The following CD8B variants were observed in gnomAD, a reference collection of about 807,000 sequenced individuals.
CD8B encodes CD8 subunit beta.
Under a neutral mutation model 24.2 loss-of-function variants are expected in CD8B, and 6 were observed. That is an observed-to-expected ratio of 0.25 (90% CI 0.14 to 0.49). The LOEUF is 0.49. Ranked by LOEUF, CD8B falls within the 20% of genes least tolerant of loss-of-function variation. CD8B has a pLI of 0.98. For missense variants in CD8B, 196 were observed against 271.3 expected (o/e 0.72, Z 1.95); for synonymous variants, 84 against 108.3 (o/e 0.78, Z 1.39).
At chr2:86,855,683 C>A (rs1676201814) in intron 2 of CD8B, among the ~76,000 whole-genome samples, 2 of 152,218 alleles carry the variant, frequency 1.3e-5, no homozygotes, top group South Asian at 4.1e-4. Context: ...GTGCAACGAG[C>A]CTGGCCCTCT....
At chr2:86,832,951 TC>T in intron 5 of CD8B, 1 of 95,846 alleles carries the variant, frequency 1.0e-5, no homozygotes, top group Non-Finnish European at 2.4e-5. Context: ...TCCCCTCTCC[TC>T]CCCTCCCCTC....
intron 5 of CD8B, among the ~76,000 whole-genome samples, chr2:86,827,133 T>C (rs1424305351): frequency 6.6e-6 from 1 of 152,136 alleles, no homozygotes; most frequent in Non-Finnish European, 1.5e-5. Flanking sequence ...CTGTGGATTT[T>C]GTGGCAGCAA....
At chr2:86,836,734 C>T (rs1164602136), downstream of CD8B, among the ~76,000 whole-genome samples, 1 of 152,178 alleles carries the variant, frequency 6.6e-6, no homozygotes, top group Non-Finnish European at 1.5e-5. Flanking sequence ...CCACTGCACA[C>T]TAGCCTGGGC....
chr2:86,854,856 C>A (rs1162692183), intron 2 of CD8B, among the ~76,000 whole-genome samples: 2 of 151,896 alleles, frequency 1.3e-5, no homozygotes, highest in African/African-American at 4.8e-5. Context: ...CGCGGTGACT[C>A]ACGCCTGTAA....
At chr2:86,834,190 A>G (rs1675074264), downstream of CD8B, among the ~76,000 whole-genome samples, 1 of 152,030 alleles carries the variant, frequency 6.6e-6, no homozygotes, top group African/African-American at 2.4e-5. Context: ...ATTAAACACT[A>G]CTAGATGGTG....
intron 5 of CD8B, chr2:86,843,701 C>T: frequency 1.0e-6 from 1 of 985,308 alleles, no homozygotes; most frequent in African/African-American, 1.7e-5. Context: ...ACTGAAGTGA[C>T]TTGAGCTTGT....
In CD8B at chr2:86,853,113, C is replaced by A. The variant is rs1324326331; in HGVS notation, c.404-27G>T. 3.9e-6 allele frequency: 6 copies of A among 1,546,642 alleles called. No individual in the cohort carries two copies. In the South Asian group the frequency reaches 7.2e-5, roughly 18 times the overall value. On this transcript the variant is annotated intron_variant, in intron 2 of 5. Transcript: ENST00000390655. ...TACAGAAAGAAAGCAAGACACATAT[C>A]TTAGCCAAGTGAACACCACGTGGAC...
chr2:86,822,522 A>G, intron 5 of CD8B: 1 of 551,016 alleles, frequency 1.8e-6, no homozygotes, highest in Non-Finnish European at 3.2e-6. Flanking sequence ...TATGAAACCT[A>G]TGGAAAGGTT....
At chr2:86,822,393 G>A in intron 5 of CD8B, 1 of 1,481,890 alleles carries the variant, frequency 6.7e-7, no homozygotes, top group Non-Finnish European at 9.4e-7. Flanking sequence ...AATAGAGTAT[G>A]AACAGAGATG....
rs533173113 is a variant in CD8B, at chr2:86,852,131, A to T, written c.493+866T>A. ...AGGCATGTGCCACCACGCCCAGCTA[A>T]TTTTTTTACATTTTCGTAGAGACAG... On this transcript the variant is annotated intron_variant, in intron 3 of 5. Coordinates refer to ENST00000390655, the MANE Select transcript of CD8B (RefSeq NM_004931.5). 6.1e-4 allele frequency among the ~76,000 whole-genome samples: 93 copies of T among 152,082 alleles called. No homozygotes were observed. The South Asian group carries it at 0.019, about 31-fold the overall frequency.
chr2:86,844,242 GT>G (rs1469013949), intron 5 of CD8B, among the ~76,000 whole-genome samples: 2 of 151,046 alleles, frequency 1.3e-5, no homozygotes, highest in Admixed American at 1.3e-4. Context: ...TCTCAGCTTA[GT>G]GGGCCCCAAG....
At chr2:86,822,091 T>A (rs1674501818) in intron 5 of CD8B, among the ~76,000 whole-genome samples, 1 of 152,208 alleles carries the variant, frequency 6.6e-6, no homozygotes, top group South Asian at 2.1e-4. Context: ...AACCAGGGAC[T>A]GTACCCAGGG....
At chr2:86,818,008 G>T (rs554686285) in intron 5 of CD8B, among the ~76,000 whole-genome samples, 1 of 151,972 alleles carries the variant, frequency 6.6e-6, no homozygotes. Flanking sequence ...TCAGGAGTTC[G>T]AGACCAGCCT....
chr2:86,820,386 G>A (rs1249072639), intron 5 of CD8B, among the ~76,000 whole-genome samples: 3 of 152,192 alleles, frequency 2.0e-5, no homozygotes, highest in East Asian at 1.9e-4. Flanking sequence ...GCACAGCCAC[G>A]CCAGCCTTTG....
chr2:86,848,701 A>ATTATTTATTTAT lies in CD8B; in HGVS notation c.494-1940_494-1929dup. ...GGAAGAAAGGTATTGGTATTTTTAA[A>ATTATTTATTTAT]TTATTTATTTATTTATTTATTTATT... On this transcript the variant is annotated intron_variant, in intron 3 of 5. Transcript: ENST00000390655. Among the ~76,000 whole-genome samples the ATTATTTATTTAT allele has an allele frequency of 1.0e-3, 59 of 58,846 alleles. 1 individual carries two copies. Among genetic ancestry groups the ATTATTTATTTAT allele is most frequent in the Middle Eastern group, 7.6e-3 (1 of 132 alleles). 38.6% of individuals were successfully genotyped at this position (58,846 alleles called of 152,430 possible).
rs758724392 is a variant in CD8B, at chr2:86,858,062, C to T, written c.398G>A (p.Ser133Asn). 8 of 1,613,692 alleles carry T rather than the reference C, an allele frequency of 5.0e-6. No homozygotes were observed. The highest frequency in any genetic ancestry group is 1.7e-4 in the Middle Eastern group (1 of 6,054). Residue 133 changes from serine (S) to asparagine (N), a missense_variant, in exon 2 of 6, where the codon AGT becomes AAT. Coordinates refer to ENST00000390655, the MANE Select transcript of CD8B (RefSeq NM_004931.5). ...ELTFGKGTQL[S>N]VVDFLPTTAQ... The stretch of plus-strand genomic sequence containing the variant: ...GCATTGAGCCTGCTTCTTACCCACA[C>T]TCAGCTGAGTTCCCTTCCCGAAGGT...
rs567832095 is a variant in CD8B at position 86,821,821 on chromosome 2, C to T, written c.621-6103G>A. On this transcript the variant is annotated intron_variant, in intron 5 of 5. Coordinates refer to the CD8B transcript ENST00000331469. ...TCCTCTCCAAAGGGAATGTTCCGAG[C>T]CCCCTGCTTCCTCCACCCTTCTCTT... 96 of 336,630 alleles carry T rather than the reference C, an allele frequency of 2.9e-4. 1 individual carries two copies. Among genetic ancestry groups the T allele is most frequent in the African/African-American group, 2.0e-3 (95 of 47,144 alleles). The allele number at this position is 336,630 out of a possible 1,614,324, so 20.9% of individuals were successfully genotyped here. A position where few individuals can be genotyped will look rare whatever the true frequency, so the allele number is the denominator to read the frequency against.
At chr2:86,827,076 C>A (rs1056882103) in intron 5 of CD8B, among the ~76,000 whole-genome samples, 2 of 152,086 alleles carry the variant, frequency 1.3e-5, no homozygotes, top group African/African-American at 2.4e-5. Context: ...TCGCCTCGGC[C>A]TCCCAGAGTG....
At chr2:86,827,621 C>CAAA (rs61256363) in intron 5 of CD8B, among the ~76,000 whole-genome samples, 1 of 126,348 alleles carries the variant, frequency 7.9e-6, no homozygotes. Context: ...GACCCTATCT[C>CAAA]AAAAAAAAAA....
Sources: gnomAD v4.1 joint callset for allele counts (sites outside exome capture counted in the v4.1 genomes callset) on GRCh38, gnomAD v4.1.1 for gene constraint, MANE v1.5 for transcripts, NCBI Gene and HGNC (gene_info 2026-07-23, HGNC 2026-07-21) for gene names.